APOL4: variants seen among roughly 807,000 people sequenced by gnomAD.
The protein encoded by APOL4 is apolipoprotein L4.
APOL4 carries 14 observed loss-of-function variants against 12.1 expected under a neutral mutation model. The observed-to-expected ratio is 1.16, with a 90% CI of 0.76 to 1.81. The LOEUF is 1.81. APOL4 is among the 40% of genes most tolerant of loss of function. The pLI, the probability that APOL4 is intolerant of heterozygous loss-of-function variation, is 0.00. For missense variants in APOL4, 432 were observed against 423.1 expected (o/e 1.02, Z -0.18); for synonymous variants, 171 against 160.6 (o/e 1.06, Z -0.49).
At chr22:36,195,768 TCTCTCTCTCA>T (rs1265966333) in intron 2 of APOL4, among the ~76,000 whole-genome samples, 1 of 105,514 alleles carries the variant, frequency 9.5e-6, no homozygotes, top group African/African-American at 3.6e-5. Context: ...TCTCTCTCTC[TCTCTCTCTCA>T]CACACACACA....
chr22:36,194,022 T>C (rs2014334332), intron 3 of APOL4, among the ~76,000 whole-genome samples: 1 of 152,216 alleles, frequency 6.6e-6, no homozygotes, highest in Non-Finnish European at 1.5e-5. Flanking sequence ...ATGAGGACTT[T>C]GAAAATCATC....
In APOL4 at chr22:36,191,218, C is replaced by T. The variant is rs1398274872; in HGVS notation, c.904G>A (p.Val302Ile). ...ATSGVLVVLD[V>I]VNLVQDSLDL... Reference sequence around the variant, plus strand: ...AGTGAGTCTTGCACAAGGTTGACTACATCCAGCACAACAAGGACACCTGAA... The same window carrying T: ...AGTGAGTCTTGCACAAGGTTGACTATATCCAGCACAACAAGGACACCTGAA... Residue 302 changes from valine to isoleucine, a missense_variant, in exon 4 of 4, where the codon GTA becomes ATA. By Grantham distance (29) the Val-to-Ile change is conservative. Coordinates refer to ENST00000683024, the MANE Select transcript of APOL4 (RefSeq NM_001386885.1). The T allele has an allele frequency of 3.1e-6, 5 of 1,613,904 alleles. No homozygotes were observed. The African/African-American group carries it at 5.3e-5, about 17-fold the overall frequency.
intron 3 of APOL4, 40 bp downstream of exon 3, chr22:36,195,268 GCAT>G (rs779558400): frequency 6.3e-7 from 1 of 1,594,868 alleles, no homozygotes; most frequent in African/African-American, 1.3e-5. Flanking sequence ...GATCTGGGTG[GCAT>G]CACCGGGGTG....
Position 36,191,647 on chromosome 22 carries a change from G to A in APOL4, c.475C>T (p.Pro159Ser), listed in dbSNP as rs1397545652. Residue 159 changes from proline (P) to serine (S), a missense_variant, in exon 4 of 4, where the codon CCA becomes TCA. By Grantham distance (74) the Pro-to-Ser change is moderately conservative (BLOSUM62 -1). Transcript: ENST00000683024. ...CTCAGGCTCAGCCCTGCTGTAAATG[G>A]TGCCAACATAACGCCAATGACAGAC... ...ILSVIGVMLAPFTAGLSLSIT... is the reference protein window; with the variant it reads ...ILSVIGVMLASFTAGLSLSIT... 3 of 1,613,960 alleles carry A rather than the reference G, an allele frequency of 1.9e-6. No individual in the cohort carries two copies. In the South Asian group the frequency reaches 3.3e-5, roughly 18 times the overall value.
At chr22:36,196,710 C>A (rs919007663) in intron 2 of APOL4, among the ~76,000 whole-genome samples, 1 of 152,116 alleles carries the variant, frequency 6.6e-6, no homozygotes. Flanking sequence ...ACGTGCGAGG[C>A]CTCATTCTCA....
At chr22:36,197,890 G>T in intron 2 of APOL4, 2 of 1,489,238 alleles carry the variant, frequency 1.3e-6, no homozygotes, top group South Asian at 1.4e-5. Flanking sequence ...TCAGCACTGG[G>T]TCTGACCCAC....
chr22:36,195,762 TC>T (rs1569531216), intron 2 of APOL4, among the ~76,000 whole-genome samples: 39 of 114,380 alleles, frequency 3.4e-4, no homozygotes, highest in African/African-American at 8.7e-4. Context: ...TCTCTCTCTC[TC>T]TCTCTCTCTC....
At chr22:36,202,086 G>A (rs1357569520), upstream of APOL4, 1 of 1,612,906 alleles carries the variant, frequency 6.2e-7, no homozygotes, top group Non-Finnish European at 8.5e-7. Context: ...TTGAGACAGT[G>A]TGCTCCTCCT....
In APOL4 at chr22:36,197,926, C is replaced by G. The variant is rs570512497; in HGVS notation, c.82+1404G>C. On this transcript the variant is annotated intron_variant, in intron 2 of 3. Coordinates refer to ENST00000683024, the MANE Select transcript of APOL4 (RefSeq NM_001386885.1). ...CTTTCACCCCAGACTCAATCATACCCTCCTTGTCCCACACCCACCTGTGCC... is the reference window on the plus strand; with the variant it reads ...CTTTCACCCCAGACTCAATCATACCGTCCTTGTCCCACACCCACCTGTGCC... 8.4e-6 allele frequency: 12 copies of G among 1,422,308 alleles called. No homozygotes were observed. In the African/African-American group the frequency reaches 1.6e-4, roughly 19 times the overall value. 88.1% of individuals were successfully genotyped at this position (1,422,308 alleles called of 1,614,324 possible). A position where few individuals can be genotyped will look rare whatever the true frequency, so the allele number is the denominator to read the frequency against.
chr22:36,201,333 T>G (rs8138263), intron 1 of APOL4, among the ~76,000 whole-genome samples: 44,808 of 143,136 alleles, frequency 0.31, 6,091 homozygotes, highest in African/African-American at 0.48. Context: ...GGTTCCATCC[T>G]CCAGCTCTCA....
chr22:36,195,563 C>T (rs1334125875), intron 2 of APOL4, 126 bp from the exon 3 acceptor site: 2 of 1,075,642 alleles, frequency 1.9e-6, no homozygotes, highest in Non-Finnish European at 2.7e-6. Context: ...TTGATGGAGG[C>T]ACCAGTGCTA....
At chr22:36,192,485 G>A (rs1250610358) in intron 3 of APOL4, among the ~76,000 whole-genome samples, 1 of 152,174 alleles carries the variant, frequency 6.6e-6, no homozygotes, top group African/African-American at 2.4e-5. Flanking sequence ...GATAAAGATG[G>A]CTCCTCATGC....
chr22:36,195,770 T>A (rs1347860366), intron 2 of APOL4, among the ~76,000 whole-genome samples: 1,399 of 89,812 alleles, frequency 0.016, 21 homozygotes, highest in African/African-American at 0.06. Flanking sequence ...TCTCTCTCTC[T>A]CTCTCTCACA....
At chr22:36,201,447 C>T in intron 1 of APOL4, 1 of 922,008 alleles carries the variant, frequency 1.1e-6, no homozygotes. Flanking sequence ...GGCCCCCATG[C>T]AACAAGGGTA....
upstream of APOL4, chr22:36,204,622 A>G (rs972530287): frequency 7.6e-6 from 5 of 657,012 alleles, no homozygotes; most frequent in South Asian, 2.7e-5. Context: ...ACCATCCCCA[A>G]CTTACCAAGG....
At position 36,196,989 on chromosome 22, in the gene APOL4, T is replaced by C. The variant is rs1279243868; in HGVS notation, c.83-1552A>G. Among the ~76,000 whole-genome samples the C allele has an allele frequency of 6.6e-5, 10 of 151,858 alleles. No individual in the cohort carries two copies. The East Asian group carries it at 9.6e-4, about 15-fold the overall frequency. On this transcript the variant is annotated intron_variant, in intron 2 of 3. Coordinates refer to ENST00000683024, the MANE Select transcript of APOL4 (RefSeq NM_001386885.1). ...GGGGTTCTTTAGGTGGGCAGGGGAG[T>C]GGGACCCTCAGCACTGATCCTTGTG...
At chr22:36,204,768 A>AG (rs2014679312), upstream of APOL4, 1 of 262,828 alleles carries the variant, frequency 3.8e-6, no homozygotes, top group African/African-American at 2.3e-5. Context: ...GAAAGGTAAA[A>AG]TGAAAGTCAC....
chr22:36,195,930 T>C (rs1245111373), intron 2 of APOL4, among the ~76,000 whole-genome samples: 3 of 152,222 alleles, frequency 2.0e-5, no homozygotes, highest in African/African-American at 2.4e-5. Flanking sequence ...TTCTTGCCTC[T>C]AGAACTGTGA....
intron 1 of APOL4, chr22:36,199,730 T>C: frequency 7.6e-7 from 1 of 1,323,360 alleles, no homozygotes; most frequent in Non-Finnish European, 1.0e-6. Context: ...ACCGGAAACA[T>C]GTGTGACAAC....
Sources: gnomAD v4.1 joint callset for allele counts (sites outside exome capture counted in the v4.1 genomes callset) on GRCh38, gnomAD v4.1.1 for gene constraint, MANE v1.5 for transcripts, NCBI Gene and HGNC (gene_info 2026-07-23, HGNC 2026-07-21) for gene names.